SEL1L3: variants seen among roughly 807,000 people sequenced by gnomAD.
SEL1L3 encodes the protein SEL1L family member 3, also known as protein sel-1 homolog 3.
In SEL1L3, 76 loss-of-function variants were observed where a neutral mutation model predicts 142.8. The observed-to-expected ratio is 0.53, with a 90% CI of 0.44 to 0.64. The LOEUF (loss-of-function observed/expected upper bound fraction) is 0.64. Ranked by LOEUF, SEL1L3 falls within the 30% of genes least tolerant of loss-of-function variation. SEL1L3 has a pLI of 0.00. For missense variants in SEL1L3, 1,262 were observed against 1,381.7 expected (o/e 0.91, Z 1.37); for synonymous variants, 504 against 519.6 (o/e 0.97, Z 0.41).
At chr4:25,765,245 CGGCCTCCCAAA>C in intron 20 of SEL1L3, 70 bp downstream of exon 20, 1 of 902,964 alleles carries the variant, frequency 1.1e-6, no homozygotes, top group Non-Finnish European at 1.9e-6. Context: ...CCGCCCCCGT[CGGCCTCCCAAA>C]GGGCTGGGAT....
chr4:25,857,537 C>G (rs1292955045), intron 1 of SEL1L3, among the ~76,000 whole-genome samples: 1 of 152,204 alleles, frequency 6.6e-6, no homozygotes, highest in African/African-American at 2.4e-5. Context: ...TAGAACTTCT[C>G]ACTTCTAACC....
chr4:25,860,311 T>C (rs1361048763), intron 1 of SEL1L3, among the ~76,000 whole-genome samples: 1 of 152,246 alleles, frequency 6.6e-6, no homozygotes, highest in Non-Finnish European at 1.5e-5. Flanking sequence ...CCAGCTATTC[T>C]GCTCCATCTC....
chr4:25,782,508 G>A, intron 14 of SEL1L3, 90 bp from the exon 15 acceptor site: 2 of 1,150,178 alleles, frequency 1.7e-6, no homozygotes, highest in East Asian at 5.1e-5. Flanking sequence ...TTCTGCCTAA[G>A]TCTGAACAAA....
chr4:25,825,666 A>ATTTTTTTTTTTTT (rs33997941), intron 6 of SEL1L3, among the ~76,000 whole-genome samples: 1 of 74,026 alleles, frequency 1.4e-5, no homozygotes, highest in Non-Finnish European at 2.5e-5. Context: ...TCTAAATTCT[A>ATTTTTTTTTTTTT]TTTTTTTTTT....
intron 6 of SEL1L3, among the ~76,000 whole-genome samples, chr4:25,828,695 GTTTA>G (rs767846890): frequency 5.5e-4 from 83 of 151,932 alleles, no homozygotes; most frequent in Middle Eastern, 3.4e-3. Context: ...CGGGCCAAGA[GTTTA>G]TTTATTTTTT....
intron 9 of SEL1L3, among the ~76,000 whole-genome samples, chr4:25,816,619 C>G (rs1027552357): frequency 1.3e-5 from 2 of 152,184 alleles, no homozygotes; most frequent in Non-Finnish European, 2.9e-5. Flanking sequence ...TCACTGCCAC[C>G]AGAGTGACCT....
intron 20 of SEL1L3, among the ~76,000 whole-genome samples, chr4:25,763,167 A>C (rs1347754555): frequency 6.8e-6 from 1 of 146,810 alleles, no homozygotes; most frequent in Non-Finnish European, 1.5e-5. Context: ...GGCTTCCCAA[A>C]CAGTAAAAAT....
chr4:25,802,103 G>A (rs1473440099), intron 11 of SEL1L3, among the ~76,000 whole-genome samples, 180 bp downstream of exon 11: 1 of 152,164 alleles, frequency 6.6e-6, no homozygotes, highest in Admixed American at 6.5e-5. Context: ...GGCTGCCCCT[G>A]CATTCAGCCT....
chr4:25,802,892 G>GA (rs1713281999), intron 10 of SEL1L3, among the ~76,000 whole-genome samples: 1 of 152,140 alleles, frequency 6.6e-6, no homozygotes, highest in East Asian at 1.9e-4. Flanking sequence ...AATGAAATGG[G>GA]AAAAAAGCCA....
Position 25,824,117 on chromosome 4 carries a change from C to T in SEL1L3, c.1158-1989G>A, listed in dbSNP as rs562378691. On this transcript the variant is annotated intron_variant, in intron 6 of 23. Coordinates refer to ENST00000399878, the MANE Select transcript of SEL1L3 (RefSeq NM_015187.5). ...CTGTGAAGATGATGGTCTCTCCTGC[C>T]TATTTAAGGAGAGGCCATAAAGTTA... is the stretch of plus-strand genomic sequence containing the variant. Among the ~76,000 whole-genome samples, 22 of 152,284 alleles carry T rather than the reference C, an allele frequency of 1.4e-4. No homozygotes were observed. The East Asian group carries it at 4.2e-3, about 29-fold the overall frequency.
downstream of SEL1L3, among the ~76,000 whole-genome samples, chr4:25,744,054 G>T (rs1418053639): frequency 6.6e-6 from 1 of 152,168 alleles, no homozygotes; most frequent in African/African-American, 2.4e-5. Flanking sequence ...TTGACAATTA[G>T]CTTACCAGCT....
chr4:25,780,886 C>T (rs62411795), intron 15 of SEL1L3, among the ~76,000 whole-genome samples: 8,363 of 150,060 alleles, frequency 0.056, 349 homozygotes, highest in Middle Eastern at 0.083. Context: ...AGTACAGTGG[C>T]ACAATCTTAG....
At chr4:25,754,171 G>A (rs926777402) in intron 23 of SEL1L3, among the ~76,000 whole-genome samples, 1 of 150,808 alleles carries the variant, frequency 6.6e-6, no homozygotes, top group East Asian at 2.0e-4. Flanking sequence ...GCGTGGTGGC[G>A]CATGCCTGTA....
At chr4:25,819,003 A>G (rs1714578030) in intron 8 of SEL1L3, among the ~76,000 whole-genome samples, 1 of 152,148 alleles carries the variant, frequency 6.6e-6, no homozygotes, top group African/African-American at 2.4e-5. Flanking sequence ...CGCTCTGGAG[A>G]TAGAGACATA....
At chr4:25,839,211 C>T (rs1035377628) in intron 2 of SEL1L3, among the ~76,000 whole-genome samples, 7 of 152,144 alleles carry the variant, frequency 4.6e-5, no homozygotes, top group Non-Finnish European at 1.0e-4. Context: ...AATAAAAACT[C>T]GATTTTCTAG....
At chr4:25,846,987 C>T (rs1553877602) in intron 2 of SEL1L3, among the ~76,000 whole-genome samples, 1 of 151,454 alleles carries the variant, frequency 6.6e-6, no homozygotes, top group Non-Finnish European at 1.5e-5. Flanking sequence ...TTTCCCAATC[C>T]TTGTTTCGGT....
chr4:25,782,977 A>C (rs1374298351), intron 14 of SEL1L3, among the ~76,000 whole-genome samples: 2 of 152,236 alleles, frequency 1.3e-5, no homozygotes, highest in African/African-American at 4.8e-5. Flanking sequence ...AGGGGATGGC[A>C]GCGAAGAATG....
chr4:25,775,527 A>G (rs7697266), intron 17 of SEL1L3, among the ~76,000 whole-genome samples: 94,175 of 152,082 alleles, frequency 0.62, 30,631 homozygotes, highest in African/African-American at 0.83. Context: ...ACATCATTTA[A>G]GCAATAAAGC....
Position 25,788,290 on chromosome 4 carries a change from G to C in SEL1L3, c.2151C>G (p.Tyr717Ter). ...AKNPEAAIEW[Y>*]AKGALETEDP... ...CCTCCGTCTCCAGGGCGCCCTTGGC[G>C]TACCACTCAATTGCTGCTTCGGGAT... The change falls in exon 13 of 24, where the codon TAC (tyrosine) becomes TAG (stop). Residue 717 changes from tyrosine (Y) to a stop codon, truncating the protein, a stop_gained. Transcript: ENST00000399878. LOFTEE classifies it high-confidence loss of function. The surrounding 1 kb of genome is among the most constrained non-coding windows in gnomAD (Gnocchi z 5.3). 6.2e-7 allele frequency: 1 copy of C among 1,613,870 alleles called. No individual in the cohort carries two copies. The highest frequency in any genetic ancestry group is 8.5e-7 in the Non-Finnish European group (1 of 1,179,834).
Sources: gnomAD v4.1 joint callset for allele counts (sites outside exome capture counted in the v4.1 genomes callset) on GRCh38, gnomAD v4.1.1 for gene constraint, Gnocchi (gnomAD v3.1) non-coding constraint, MANE v1.5 for transcripts, NCBI Gene and HGNC (gene_info 2026-07-23, HGNC 2026-07-21) for gene names.